The following CRISP1 variants were observed in gnomAD, a reference collection of about 807,000 sequenced individuals.
The protein encoded by CRISP1 is cysteine rich secretory protein 1.
CRISP1 carries 44 observed loss-of-function variants against 33.1 expected under a neutral mutation model. That is an observed-to-expected ratio of 1.33 (90% confidence interval 1.05 to 1.71). CRISP1 has a LOEUF of 1.71. Ranked by LOEUF, CRISP1 falls within the 40% of genes most tolerant of loss-of-function variation. The pLI is 0.00. For synonymous variants in CRISP1, 103 were observed against 98.7 expected, an observed-to-expected ratio of 1.04 and a Z score of -0.26; for missense variants, 390 against 301.2, an observed-to-expected ratio of 1.29 and a Z score of -2.18.
chr6:49,846,510 C>T lies in CRISP1; in HGVS notation c.435+10G>A, dbSNP rs1214447339. 2 of 1,610,342 alleles carry T rather than the reference C, an allele frequency of 1.2e-6. No individual in the cohort carries two copies. Among genetic ancestry groups the T allele is most frequent in the Non-Finnish European group, 1.7e-6 (2 of 1,178,380 alleles). On this transcript the variant is annotated intron_variant, in intron 5 of 7. Transcript: ENST00000335847. ...TAAACAATGTGTGTGTTTGCCAGCA[C>T]ACAGGTTACCTGAGTGTAGTGGTCA...
chr6:49,872,151 T>A (rs1208673803), intron 1 of CRISP1, among the ~76,000 whole-genome samples: 1 of 152,262 alleles, frequency 6.6e-6, no homozygotes, highest in Non-Finnish European at 1.5e-5. Flanking sequence ...TGATGGCCAC[T>A]GATGATGAGC....
At chr6:49,865,949 A>G (rs1176134033) in intron 1 of CRISP1, among the ~76,000 whole-genome samples, 1 of 152,180 alleles carries the variant, frequency 6.6e-6, no homozygotes, top group East Asian at 1.9e-4. Flanking sequence ...AGTCTGTAAA[A>G]TAAATCTTTA....
chr6:49,876,585 G>A (rs1220392717), intron 1 of CRISP1, among the ~76,000 whole-genome samples: 2 of 151,978 alleles, frequency 1.3e-5, no homozygotes, highest in East Asian at 1.9e-4. Flanking sequence ...ACATGCACAT[G>A]TGTGTTCACA....
At chr6:49,865,022 C>A (rs1310562906) in intron 1 of CRISP1, among the ~76,000 whole-genome samples, 1 of 152,038 alleles carries the variant, frequency 6.6e-6, no homozygotes, top group Non-Finnish European at 1.5e-5. Context: ...GCATTTTCTT[C>A]TATAAGATAG....
In CRISP1 at chr6:49,852,112, G is replaced by A. The variant is rs772884953; in HGVS notation, c.84C>T (p.Asp28=). 5.0e-6 allele frequency: 8 copies of A among 1,610,932 alleles called. No individual in the cohort carries two copies. Among genetic ancestry groups the A allele is most frequent in the Admixed American group, 3.4e-5 (2 of 59,402 alleles). The part of the protein sequence containing the change: ...MLSMKKKSAR[D]QFNKLVTDLP... ...AGTCGGTGACGAGCTTATTAAATTG[G>A]TCTCTAGCTGATTTCTTCTGTTACC... The change falls in exon 3 of 8, where the codon GAC becomes GAT. Residue 28 remains aspartate, a synonymous_variant. Transcript: ENST00000335847.
chr6:49,864,384 CTG>C (rs3997164), intron 1 of CRISP1, among the ~76,000 whole-genome samples: 23,506 of 142,122 alleles, frequency 0.17, 1,793 homozygotes, highest in East Asian at 0.39. Context: ...TTGCTATTCA[CTG>C]TGTGTGTGTG....
At chr6:49,872,831 G>A (rs1771956438) in intron 1 of CRISP1, among the ~76,000 whole-genome samples, 1 of 152,148 alleles carries the variant, frequency 6.6e-6, no homozygotes, top group Non-Finnish European at 1.5e-5. Context: ...AAGTCAGGTA[G>A]CATGATGCCT....
chr6:49,866,978 G>A (rs908224881), upstream of CRISP1, among the ~76,000 whole-genome samples: 2 of 152,058 alleles, frequency 1.3e-5, no homozygotes, highest in African/African-American at 2.4e-5. Flanking sequence ...TCACATACTT[G>A]GAGAGGCTCT....
chr6:49,870,159 A>C (rs903218981), upstream of CRISP1, among the ~76,000 whole-genome samples: 2 of 152,246 alleles, frequency 1.3e-5, no homozygotes, highest in African/African-American at 4.8e-5. Context: ...CACAAAAACA[A>C]ACTTCCTAAC....
intron 4 of CRISP1, among the ~76,000 whole-genome samples, 164 bp from the exon 5 acceptor site, chr6:49,846,832 G>T (rs1771190849): frequency 6.6e-6 from 1 of 152,118 alleles, no homozygotes; most frequent in Admixed American, 6.6e-5. Flanking sequence ...CTTTCTCATT[G>T]ATGAATGAGC....
At chr6:49,841,960 C>A (rs1241259605) in intron 5 of CRISP1, among the ~76,000 whole-genome samples, 1 of 152,136 alleles carries the variant, frequency 6.6e-6, no homozygotes, top group South Asian at 2.1e-4. Context: ...TGTTCTCACT[C>A]GCCCTCCCTG....
At chr6:49,842,205 A>G (rs747466749) in intron 5 of CRISP1, among the ~76,000 whole-genome samples, 2 of 152,294 alleles carry the variant, frequency 1.3e-5, no homozygotes, top group Non-Finnish European at 2.9e-5. Context: ...TAAAAATTTT[A>G]TAATGTAGAT....
chr6:49,865,290 T>C (rs1771770996), intron 1 of CRISP1, among the ~76,000 whole-genome samples: 2 of 152,086 alleles, frequency 1.3e-5, no homozygotes, highest in African/African-American at 2.4e-5. Flanking sequence ...GAATATCTAA[T>C]AGAGAAAAGA....
chr6:49,862,375 T>C (rs967081608), intron 1 of CRISP1, among the ~76,000 whole-genome samples: 2 of 147,248 alleles, frequency 1.4e-5, no homozygotes, highest in Non-Finnish European at 3.0e-5. Flanking sequence ...ATAGAAGACT[T>C]CTGAAAATAC....
rs2127466628 is a variant in CRISP1 at position 49,834,640 on chromosome 6, CT to C, written c.*675del. 1 of 152,094 alleles carries C rather than the reference CT, an allele frequency of 6.6e-6. No homozygotes were observed. Among genetic ancestry groups the C allele is most frequent in the Non-Finnish European group, 1.5e-5 (1 of 68,002 alleles). The allele number at this position is 152,094 out of a possible 1,614,324, so 9.4% of individuals were successfully genotyped here. A position where few individuals can be genotyped will look rare whatever the true frequency, so the allele number is the denominator to read the frequency against. On this transcript the variant is annotated 3_prime_UTR_variant, in exon 8 of 8. Coordinates refer to ENST00000335847, the MANE Select transcript of CRISP1 (RefSeq NM_001131.3). ...CTATTTTATATATCTTTTATACTGCCTTTGCAATGAAATGAAACTATATTCC... is the reference window on the plus strand; with the variant it reads ...CTATTTTATATATCTTTTATACTGCCTTGCAATGAAATGAAACTATATTCC...
chr6:49,837,968 A>G (rs1027185958), intron 7 of CRISP1, among the ~76,000 whole-genome samples: 1 of 152,060 alleles, frequency 6.6e-6, no homozygotes, highest in South Asian at 2.1e-4. Context: ...GTTCACAGGA[A>G]CCAAAGAAGA....
chr6:49,873,667 G>T (rs967340901), intron 1 of CRISP1, among the ~76,000 whole-genome samples: 4 of 152,050 alleles, frequency 2.6e-5, no homozygotes, highest in African/African-American at 7.2e-5. Flanking sequence ...AAATGTGAAG[G>T]ATTATTATTT....
intron 2 of CRISP1, 38 bp downstream of exon 2, chr6:49,857,297 T>G: frequency 6.3e-7 from 1 of 1,592,516 alleles, no homozygotes; most frequent in Admixed American, 1.7e-5. Flanking sequence ...CTTATCTTTA[T>G]TTAGAAAGTA....
intron 2 of CRISP1, among the ~76,000 whole-genome samples, chr6:49,854,055 A>G (rs1250668373): frequency 6.6e-6 from 1 of 152,064 alleles, no homozygotes; most frequent in Non-Finnish European, 1.5e-5. Context: ...ATTCACAACC[A>G]CCTTCTCTCA....
Sources: allele counts gnomAD v4.1 joint callset (sites outside exome capture counted in the v4.1 genomes callset), GRCh38; gene constraint gnomAD v4.1.1; transcripts MANE v1.5; gene names NCBI Gene and HGNC (gene_info 2026-07-23, HGNC 2026-07-21).